Variants in CA5A observed in about 807,000 individuals in gnomAD.
CA5A encodes carbonic anhydrase 5A.
In CA5A, 28 loss-of-function variants were observed where a neutral mutation model predicts 37.1. That is an observed-to-expected ratio of 0.75 (90% CI 0.56 to 1.03). The LOEUF (loss-of-function observed/expected upper bound fraction) is 1.03, where lower values mean the gene tolerates loss of function less well. Ranked by LOEUF, CA5A falls within the 50% of genes least tolerant of loss-of-function variation. The pLI is 0.00. For missense variants in CA5A, 444 were observed against 399.9 expected (o/e 1.11, Z -0.94); for synonymous variants, 171 against 158.4 (o/e 1.08, Z -0.60).
At chr16:87,923,923 G>T in intron 2 of CA5A, 1 of 984,652 alleles carries the variant, frequency 1.0e-6, no homozygotes, top group Non-Finnish European at 1.2e-6. Flanking sequence ...AACTATTTTT[G>T]GTTTTTCAAT....
intron 2 of CA5A, among the ~76,000 whole-genome samples, chr16:87,922,140 G>A (rs2056239271): frequency 2.0e-5 from 3 of 152,152 alleles, no homozygotes; most frequent in Non-Finnish European, 2.9e-5. Context: ...ACAGGAGTCT[G>A]TGCTCTAACA....
At chr16:87,896,886 C>T (rs1251178464) in intron 5 of CA5A, among the ~76,000 whole-genome samples, 1 of 152,232 alleles carries the variant, frequency 6.6e-6, no homozygotes, top group African/African-American at 2.4e-5. Context: ...GTGATCCGCC[C>T]GCCTCAGCCT....
chr16:87,891,174 T>C (rs998518694), intron 6 of CA5A, among the ~76,000 whole-genome samples: 2 of 148,930 alleles, frequency 1.3e-5, no homozygotes, highest in Non-Finnish European at 3.0e-5. Context: ...ACTATTTAGA[T>C]AAGAAAAAGG....
At chr16:87,926,082 G>A (rs2056304231) in intron 2 of CA5A, among the ~76,000 whole-genome samples, 1 of 152,170 alleles carries the variant, frequency 6.6e-6, no homozygotes, top group Admixed American at 6.5e-5. Flanking sequence ...AATTAGCTGG[G>A]CATGGTGGCA....
intron 2 of CA5A, among the ~76,000 whole-genome samples, chr16:87,909,770 G>A (rs2056023727): frequency 1.3e-5 from 2 of 152,172 alleles, no homozygotes; most frequent in African/African-American, 2.4e-5. Flanking sequence ...CCTGCGCCGC[G>A]AAGACCGCCC....
intron 6 of CA5A, among the ~76,000 whole-genome samples, chr16:87,889,756 A>G (rs2055687036): frequency 6.6e-6 from 1 of 152,168 alleles, no homozygotes; most frequent in South Asian, 2.1e-4. Context: ...GGGCAAGAAG[A>G]GGGAAACTCC....
intron 2 of CA5A, among the ~76,000 whole-genome samples, chr16:87,915,371 T>A (rs922701662): frequency 2.2e-4 from 33 of 151,976 alleles, no homozygotes; most frequent in African/African-American, 7.5e-4. Flanking sequence ...AGAACGATGT[T>A]TACAAAGGAA....
chr16:87,909,073 C>T (rs1196405367), intron 2 of CA5A, among the ~76,000 whole-genome samples: 9 of 151,624 alleles, frequency 5.9e-5, no homozygotes, highest in South Asian at 2.1e-4. Flanking sequence ...CCTCATGATC[C>T]GCCTGCCTTG....
chr16:87,891,403 G>A (rs1597541000), intron 6 of CA5A, among the ~76,000 whole-genome samples: 1 of 151,784 alleles, frequency 6.6e-6, no homozygotes, highest in South Asian at 2.1e-4. Context: ...AGGAGGTGGA[G>A]GTTGTAGTGA....
intron 1 of CA5A, among the ~76,000 whole-genome samples, chr16:87,935,564 A>C (rs896358566): frequency 6.6e-6 from 1 of 152,138 alleles, no homozygotes; most frequent in Non-Finnish European, 1.5e-5. Context: ...GATTCACCCA[A>C]GGTCACCAAA....
chr16:87,921,681 C>G (rs1176550293), intron 2 of CA5A, among the ~76,000 whole-genome samples: 1 of 152,062 alleles, frequency 6.6e-6, no homozygotes, highest in African/African-American at 2.4e-5. Context: ...AATGTTGGAC[C>G]CAGGAGGCAG....
chr16:87,908,589 G>C (rs556233526), intron 2 of CA5A, among the ~76,000 whole-genome samples: 1 of 152,304 alleles, frequency 6.6e-6, no homozygotes, highest in Admixed American at 6.5e-5. Flanking sequence ...AAACCTAGTA[G>C]AAAAGTCACC....
At chr16:87,893,830 T>C (rs528458017) in intron 5 of CA5A, 3 of 331,378 alleles carry the variant, frequency 9.1e-6, no homozygotes, top group African/African-American at 2.2e-5. Context: ...AGGAGTGCAA[T>C]GATGCCATCA....
intron 1 of CA5A, among the ~76,000 whole-genome samples, chr16:87,931,011 T>A (rs1480341871): frequency 6.6e-6 from 1 of 151,886 alleles, no homozygotes; most frequent in African/African-American, 2.4e-5. Context: ...AGTGCTGGGA[T>A]TATAGGCGTG....
chr16:87,903,575 TTATAAA>T (rs2055912361), intron 3 of CA5A, among the ~76,000 whole-genome samples: 1 of 152,240 alleles, frequency 6.6e-6, no homozygotes. Flanking sequence ...TTGGAACAAT[TTATAAA>T]TATGTGTATG....
intron 1 of CA5A, among the ~76,000 whole-genome samples, chr16:87,929,495 G>A (rs970271529): frequency 3.3e-5 from 5 of 150,704 alleles, no homozygotes; most frequent in South Asian, 2.1e-4. Context: ...TCAGAAATGC[G>A]TCTCCACCTA....
chr16:87,905,428 C>T (rs553006089), intron 2 of CA5A, among the ~76,000 whole-genome samples: 1 of 152,172 alleles, frequency 6.6e-6, no homozygotes, highest in African/African-American at 2.4e-5. Flanking sequence ...GGCATGATCT[C>T]AGCTCACTGC....
At chr16:87,929,679 T>G (rs562053313) in intron 1 of CA5A, among the ~76,000 whole-genome samples, 1 of 151,546 alleles carries the variant, frequency 6.6e-6, no homozygotes, top group Non-Finnish European at 1.5e-5. Flanking sequence ...GAGACCATCC[T>G]GGCTAACACC....
At position 87,930,819 on chromosome 16, in the gene CA5A, C is replaced by T. The variant is rs368833307; in HGVS notation, c.143-3874G>A. Reference sequence around the variant, plus strand: ...GCAGTGACGCGATCTCAGCTCACTGCAAGCTCCAACTCCCTGGTTCAGGCG... The same window carrying T: ...GCAGTGACGCGATCTCAGCTCACTGTAAGCTCCAACTCCCTGGTTCAGGCG... On this transcript the variant is annotated intron_variant, in intron 1 of 6. Transcript: ENST00000649794. Among the ~76,000 whole-genome samples, 5 of 151,532 alleles carry T rather than the reference C, an allele frequency of 3.3e-5. No individual in the cohort carries two copies. In the East Asian group the frequency reaches 9.8e-4, roughly 30 times the overall value.
Sources: allele counts gnomAD v4.1 joint callset (sites outside exome capture counted in the v4.1 genomes callset), GRCh38; gene constraint gnomAD v4.1.1; transcripts MANE v1.5; gene names NCBI Gene and HGNC (gene_info 2026-07-23, HGNC 2026-07-21).